The following POC1A variants were observed in gnomAD, a reference collection of about 807,000 sequenced individuals.
POC1A encodes POC1 centriolar protein homolog A.
Under a neutral mutation model 47.8 loss-of-function variants are expected in POC1A, and 34 were observed. That is an observed-to-expected ratio of 0.71 (90% confidence interval 0.54 to 0.95). The LOEUF (loss-of-function observed/expected upper bound fraction) is 0.95. Ranked by LOEUF, POC1A falls within the 40% of genes least tolerant of loss-of-function variation. POC1A has a pLI of 0.00. For synonymous variants in POC1A, 177 were observed against 207.6 expected (o/e 0.85, Z 1.27); for missense variants, 466 against 528.3 (o/e 0.88, Z 1.16).
intron 6 of POC1A, among the ~76,000 whole-genome samples, chr3:52,139,436 T>C (rs1698106625): frequency 6.6e-6 from 1 of 152,170 alleles, no homozygotes; most frequent in Admixed American, 6.6e-5. Flanking sequence ...ACCCCAGCTC[T>C]GTCGATTCCC....
At chr3:52,108,822 A>G (rs1703278123) in intron 9 of POC1A, among the ~76,000 whole-genome samples, 1 of 152,182 alleles carries the variant, frequency 6.6e-6, no homozygotes, top group African/African-American at 2.4e-5. Context: ...GAAGTCGCAG[A>G]CAGCTGTTAT....
At chr3:52,121,901 T>C (rs1392145086) in intron 9 of POC1A, among the ~76,000 whole-genome samples, 1 of 152,180 alleles carries the variant, frequency 6.6e-6, no homozygotes, top group East Asian at 1.9e-4. Flanking sequence ...GTACTAAAAA[T>C]GGTTTGTGGC....
chr3:52,123,952 G>A (rs1309833275), intron 8 of POC1A, among the ~76,000 whole-genome samples: 6 of 152,126 alleles, frequency 3.9e-5, no homozygotes, highest in Non-Finnish European at 7.3e-5. Flanking sequence ...CTCCTCCCTC[G>A]TCTGCTAGAG....
At chr3:52,145,640 G>A (rs1698337858) in intron 6 of POC1A, among the ~76,000 whole-genome samples, 1 of 152,204 alleles carries the variant, frequency 6.6e-6, no homozygotes, top group South Asian at 2.1e-4. Context: ...AAGCCAGGTA[G>A]CACCAGGCTC....
At chr3:52,128,224 A>C (rs1191199698) in intron 7 of POC1A, among the ~76,000 whole-genome samples, 1 of 152,044 alleles carries the variant, frequency 6.6e-6, no homozygotes, top group Non-Finnish European at 1.5e-5. Context: ...CTTGCAGGTC[A>C]CTCTCCTTTC....
At chr3:52,085,243 TCCTG>T (rs1339456279) in intron 10 of POC1A, among the ~76,000 whole-genome samples, 1 of 152,166 alleles carries the variant, frequency 6.6e-6, no homozygotes, top group Admixed American at 6.5e-5. Flanking sequence ...GCTGGGCTCC[TCCTG>T]CACTAGGGCC....
At chr3:52,098,202 C>T (rs1014973362) in intron 9 of POC1A, among the ~76,000 whole-genome samples, 2 of 152,184 alleles carry the variant, frequency 1.3e-5, no homozygotes, top group Admixed American at 6.5e-5. Context: ...AGTGCTGTGC[C>T]CACTCCTTCC....
chr3:52,127,579 G>A (rs541591580), intron 7 of POC1A, among the ~76,000 whole-genome samples: 1 of 151,738 alleles, frequency 6.6e-6, no homozygotes, highest in East Asian at 1.9e-4. Flanking sequence ...ATTTTTAGTA[G>A]AGATGGGGTT....
rs144874854 is a variant in POC1A, at chr3:52,151,394, C to T, written c.19-294G>A. Among the ~76,000 whole-genome samples the T allele has an allele frequency of 5.9e-5, 9 of 152,180 alleles. No homozygotes were observed. The East Asian group carries it at 1.7e-3, about 29-fold the overall frequency. On this transcript the variant is annotated intron_variant, in intron 1 of 10. Coordinates refer to ENST00000296484, the MANE Select transcript of POC1A (RefSeq NM_015426.5). ...CACAAAAATCAATTGTCTTTCTGTA[C>T]ACTAGCAATGAATAATCCAAAAAAT...
At chr3:52,139,724 G>A (rs964696379) in intron 6 of POC1A, among the ~76,000 whole-genome samples, 4 of 152,154 alleles carry the variant, frequency 2.6e-5, no homozygotes, top group Admixed American at 6.5e-5. Flanking sequence ...CCCTGGCACC[G>A]AGCAGGACTC....
At chr3:52,092,875 G>A (rs1460227009) in intron 10 of POC1A, among the ~76,000 whole-genome samples, 1 of 152,236 alleles carries the variant, frequency 6.6e-6, no homozygotes, top group African/African-American at 2.4e-5. Flanking sequence ...CTCTTCATCT[G>A]AAAGGCCTCT....
chr3:52,117,289 G>T (rs1452664098), intron 9 of POC1A, among the ~76,000 whole-genome samples: 1 of 152,088 alleles, frequency 6.6e-6, no homozygotes, highest in African/African-American at 2.4e-5. Context: ...GGAGGTTGAA[G>T]CTGCAGTGAG....
chr3:52,129,804 T>C (rs1559839562), intron 7 of POC1A, among the ~76,000 whole-genome samples: 1 of 152,180 alleles, frequency 6.6e-6, no homozygotes, highest in Admixed American at 6.5e-5. Flanking sequence ...TATCTGGCCC[T>C]GGAGCTTGGC....
intron 7 of POC1A, among the ~76,000 whole-genome samples, chr3:52,137,518 A>G (rs561825854): frequency 1.3e-5 from 2 of 152,098 alleles, no homozygotes; most frequent in Non-Finnish European, 2.9e-5. Context: ...GGGCTCGGAC[A>G]CTACTTCCTA....
At chr3:52,120,688 T>C (rs1703748735) in intron 9 of POC1A, among the ~76,000 whole-genome samples, 2 of 152,190 alleles carry the variant, frequency 1.3e-5, no homozygotes, top group South Asian at 4.1e-4. Context: ...TGGGCAGAGC[T>C]GTGACTACAA....
chr3:52,087,278 G>T (rs937394092), intron 10 of POC1A, among the ~76,000 whole-genome samples: 2 of 152,148 alleles, frequency 1.3e-5, no homozygotes, highest in Non-Finnish European at 2.9e-5. Flanking sequence ...AGAGGGGAAG[G>T]AATGGAGCTC....
At chr3:52,122,635 C>T (rs148661696) in intron 8 of POC1A, among the ~76,000 whole-genome samples, 158 bp from the exon 9 acceptor site, 59 of 152,348 alleles carry the variant, frequency 3.9e-4, no homozygotes, top group African/African-American at 1.3e-3. Flanking sequence ...ACCTACCCCA[C>T]CTCCCTGGGG....
intron 9 of POC1A, among the ~76,000 whole-genome samples, chr3:52,101,026 G>A (rs1164998823): frequency 6.6e-6 from 1 of 151,296 alleles, no homozygotes; most frequent in African/African-American, 2.4e-5. Flanking sequence ...TTGAGACCCA[G>A]GGAGACAGAG....
chr3:52,090,869 G>A lies in POC1A; in HGVS notation c.1125+5700C>T, dbSNP rs55664415. ...ATGGAGGAGCCTGGCCTGGGGGGCA[G>A]GCAGATGAAAAGGCCCCAGGGGAAG... is the stretch of plus-strand genomic sequence containing the variant. On this transcript the variant is annotated intron_variant, in intron 10 of 10. Transcript: ENST00000296484. The surrounding 1 kb of genome is among the most constrained non-coding windows in gnomAD (Gnocchi z 4.2). Among the ~76,000 whole-genome samples, 14,066 of 152,134 alleles carry A rather than the reference G, an allele frequency of 0.092. 769 individuals carry two copies. The highest frequency in any genetic ancestry group is 0.13 in the African/African-American group (5,566 of 41,502).
Sources: gnomAD v4.1 joint callset for allele counts (sites outside exome capture counted in the v4.1 genomes callset) on GRCh38, gnomAD v4.1.1 for gene constraint, Gnocchi (gnomAD v3.1) non-coding constraint, MANE v1.5 for transcripts, NCBI Gene and HGNC (gene_info 2026-07-23, HGNC 2026-07-21) for gene names.